TTI2: variants seen among roughly 807,000 people sequenced by gnomAD.
TTI2 encodes TELO2 interacting protein 2.
A neutral mutation model predicts 44.9 loss-of-function variants in TTI2; 26 were observed. The ratio of observed to expected loss-of-function variants is 0.58; its 90% confidence interval spans 0.42 to 0.80. The LOEUF (loss-of-function observed/expected upper bound fraction) is 0.80. Among genes scored for constraint, TTI2 ranks in the 30% least tolerant of loss-of-function variants. The probability of loss-of-function intolerance (pLI) is 0.00; values close to 1 mark genes in which losing one functional copy is unlikely to be tolerated. For synonymous variants in TTI2, 254 were observed against 250.9 expected (o/e 1.01, Z -0.12); for missense variants, 582 against 611.6 (o/e 0.95, Z 0.51).
Position 33,512,136 on chromosome 8 carries a change from C to T in TTI2, c.478G>A (p.Glu160Lys), listed in dbSNP as rs1174165535. 6.2e-7 allele frequency: 1 copy of T among 1,614,154 alleles called. No homozygotes were observed. Among genetic ancestry groups the T allele is most frequent in the East Asian group, 2.2e-5 (1 of 44,870 alleles). The change falls in exon 2 of 8, where the codon GAG (glutamate) becomes AAG (lysine). Residue 160 changes from glutamate to lysine, a missense_variant. Physicochemically the swap from Glu to Lys is moderately conservative, Grantham distance 56. Coordinates refer to ENST00000431156, the MANE Select transcript of TTI2 (RefSeq NM_001102401.4). ...VYIFAITHSL[E>K]QPWTTPRSRE... ...GATCTCGGAGTGGTCCATGGTTGCT[C>T]CAAGCTGTGTGTGATGGCAAAAATA...
rs542413409 is a variant in TTI2 at position 33,512,497 on chromosome 8, G to A, written c.117C>T (p.Arg39=). 21 of 1,614,134 alleles carry A rather than the reference G, an allele frequency of 1.3e-5. No individual in the cohort carries two copies. In the African/African-American group the frequency reaches 1.7e-4, roughly 13 times the overall value. The change falls in exon 2 of 8, where the codon CGC becomes CGT. Residue 39 remains arginine (R), a synonymous_variant. Transcript: ENST00000431156. ...AFSKILHCLA[R]PEARRGNVKD... is the part of the protein sequence containing the mutation. ...TTACATTGCCTCGTCGTGCCTCCGG[G>A]CGGGCAAGACAGTGTAAAATCTTGG...
chr8:33,509,935 A>G lies in TTI2; in HGVS notation c.648-3T>C. The G allele has an allele frequency of 6.3e-7, 1 of 1,590,646 alleles. No homozygotes were observed. Among genetic ancestry groups the G allele is most frequent in the South Asian group, 1.1e-5 (1 of 90,578 alleles). ...CAGGGTTATTCTTCCAGGATTCCCT[A>G]AGTGAATACATAGAATTACATTAAG... On this transcript the variant is annotated splice_polypyrimidine_tract_variant and splice_region_variant and intron_variant, in intron 2 of 7. Transcript: ENST00000431156.
rs556674774 is a variant in TTI2, at chr8:33,507,331, G to A, written c.835-10C>T. ...GCAAATCAGCAGCTGGCTGCAACCA[G>A]ACAAATCGTCAAATTAAAAGAATAG... On this transcript the variant is annotated splice_polypyrimidine_tract_variant and intron_variant, in intron 3 of 7. Transcript: ENST00000431156. 197 of 1,613,022 alleles carry A rather than the reference G, an allele frequency of 1.2e-4. No homozygotes were observed. The South Asian group carries it at 2.0e-3, about 16-fold the overall frequency.
At chr8:33,499,408 A>G in intron 7 of TTI2, 131 bp from the exon 8 acceptor site, 1 of 699,828 alleles carries the variant, frequency 1.4e-6, no homozygotes, top group Non-Finnish European at 2.5e-6. Context: ...ACAGGTCACT[A>G]AGCAGAATAG....
chr8:33,512,385 C>A lies in TTI2; in HGVS notation c.229G>T (p.Gly77Ter). The change falls in exon 2 of 8, where the codon GGA becomes TGA. Residue 77 changes from glycine to a stop codon, truncating the protein, a stop_gained. Coordinates refer to ENST00000431156, the MANE Select transcript of TTI2 (RefSeq NM_001102401.4). LOFTEE classifies it high-confidence loss of function. ...ACCTGCCCCAGTGTCTCCGGCATTC[C>A]GCGGAGCCGTGCACCAGTCCCCTCA... ...LFEGTGARLR[G>*]MPETLGQVAK... 4 of 1,614,202 alleles carry A rather than the reference C, an allele frequency of 2.5e-6. No homozygotes were observed. The highest frequency in any genetic ancestry group is 3.4e-6 in the Non-Finnish European group (4 of 1,180,046).
intron 4 of TTI2, among the ~76,000 whole-genome samples, chr8:33,505,489 T>TC (rs1266190766): frequency 6.6e-6 from 1 of 151,388 alleles, no homozygotes; most frequent in African/African-American, 2.4e-5. Context: ...CTGCACCTTT[T>TC]TTTTTTCTTT....
intron 4 of TTI2, among the ~76,000 whole-genome samples, chr8:33,505,266 G>T (rs981231529): frequency 6.6e-6 from 1 of 152,042 alleles, no homozygotes; most frequent in Admixed American, 6.6e-5. Context: ...AGCAGGGTGG[G>T]GAGGGGGAAA....
intron 6 of TTI2, among the ~76,000 whole-genome samples, chr8:33,502,885 T>G (rs1809143636): frequency 6.6e-6 from 1 of 151,170 alleles, no homozygotes; most frequent in Admixed American, 6.6e-5. Flanking sequence ...ACCCCAGCAC[T>G]TTGGGAGGCC....
intron 6 of TTI2, among the ~76,000 whole-genome samples, chr8:33,503,148 A>C (rs1809161004): frequency 2.1e-5 from 3 of 143,278 alleles, no homozygotes; most frequent in South Asian, 4.4e-4. Context: ...AAAAAAAAAA[A>C]CAAAAAAGAT....
In TTI2 at chr8:33,512,288, G is replaced by A. The variant is rs144105577; in HGVS notation, c.326C>T (p.Ala109Val). Residue 109 changes from alanine to valine, a missense_variant, in exon 2 of 8, where the codon GCG (alanine) becomes GTG (valine). Ala to Val is a moderately conservative substitution (Grantham distance 64). Coordinates refer to ENST00000431156, the MANE Select transcript of TTI2 (RefSeq NM_001102401.4). ...EEGGGDGHSEAAEKAAQVGLL... is the reference protein window; with the variant it reads ...EEGGGDGHSEVAEKAAQVGLL... ...CCCAACTTGGGCTGCTTTCTCGGCCGCTTCGGAGTGCCCATCACCTCCACC... is the reference window on the plus strand; with the variant it reads ...CCCAACTTGGGCTGCTTTCTCGGCCACTTCGGAGTGCCCATCACCTCCACC... 80 of 1,614,046 alleles carry A rather than the reference G, an allele frequency of 5.0e-5. No individual in the cohort carries two copies. In the East Asian group the frequency reaches 1.6e-3, roughly 32 times the overall value.
In TTI2 at chr8:33,513,081, C is replaced by T. The variant is rs77365197; in HGVS notation, c.-100+1G>A. 2,351 of 159,964 alleles carry T rather than the reference C, an allele frequency of 0.015. 70 individuals are homozygous for T. The highest frequency in any genetic ancestry group is 0.053 in the African/African-American group (2,206 of 41,570). The allele number at this position is 159,964 out of a possible 1,614,324, so 9.9% of individuals were successfully genotyped here. A position where few individuals can be genotyped will look rare whatever the true frequency, so the allele number is the denominator to read the frequency against. ...TCACCAACTTAACCACCCCCAGGTA[C>T]CTGCAACGGCTCGCGCCCGCCGGTG... On this transcript the variant is annotated splice_donor_variant, in intron 1 of 7. Coordinates refer to ENST00000431156, the MANE Select transcript of TTI2 (RefSeq NM_001102401.4). LOFTEE classifies it low-confidence loss of function (5UTR_SPLICE).
chr8:33,502,152 C>T (rs1251711974), intron 6 of TTI2, among the ~76,000 whole-genome samples: 1 of 151,990 alleles, frequency 6.6e-6, no homozygotes, highest in Non-Finnish European at 1.5e-5. Context: ...CCATATTGGC[C>T]AGGCTGGTCT....
chr8:33,499,297 A>G lies in TTI2; in HGVS notation c.1423-20T>C. On this transcript the variant is annotated intron_variant, in intron 7 of 7. Transcript: ENST00000431156. The stretch of plus-strand genomic sequence containing the variant: ...GAGACCCTGAAACATGAAACCAAAC[A>G]GGCTTTGATATTTTTTTTTTTTTAA... The G allele has an allele frequency of 1.3e-6, 2 of 1,554,248 alleles. No homozygotes were observed. The highest frequency in any genetic ancestry group is 1.8e-6 in the Non-Finnish European group (2 of 1,129,160).
chr8:33,509,979 C>CAAAAAAAAA, intron 2 of TTI2, 47 bp from the exon 3 acceptor site: 6 of 416,692 alleles, frequency 1.4e-5, no homozygotes, highest in Admixed American at 4.9e-5. Context: ...TGATAAGTAG[C>CAAAAAAAAA]AAAAAAAAAA....
At position 33,510,898 on chromosome 8, in the gene TTI2, G is replaced by A. The variant is rs778562475; in HGVS notation, c.648-966C>T. Among the ~76,000 whole-genome samples the A allele has an allele frequency of 2.0e-5, 3 of 152,094 alleles. No homozygotes were observed. In the South Asian group the frequency reaches 6.2e-4, roughly 32 times the overall value. On this transcript the variant is annotated intron_variant, in intron 2 of 7. Coordinates refer to ENST00000431156, the MANE Select transcript of TTI2 (RefSeq NM_001102401.4). ...GAACTTCAGCTAACAGTAATCTAAA[G>A]GTGCTTTTCACTTTTTATCCTAAAC...
At chr8:33,504,519 C>T (rs1327831814) in intron 4 of TTI2, among the ~76,000 whole-genome samples, 1 of 151,866 alleles carries the variant, frequency 6.6e-6, no homozygotes. Flanking sequence ...AAGTGATCCA[C>T]TCGCCTTGGC....
chr8:33,507,279 A>G lies in TTI2; in HGVS notation c.877T>C (p.Tyr293His). 6.2e-7 allele frequency: 1 copy of G among 1,614,174 alleles called. No individual in the cohort carries two copies. Among genetic ancestry groups the G allele is most frequent in the Non-Finnish European group, 8.5e-7 (1 of 1,180,002 alleles). ...TACAGGTGGTTGGAAATGGCATGGTATAGGACCTGGGCTCTGTTATACTGG... is the reference window on the plus strand; with the variant it reads ...TACAGGTGGTTGGAAATGGCATGGTGTAGGACCTGGGCTCTGTTATACTGG... ...LLQYNRAQVL[Y>H]HAISNHLYTP... The change falls in exon 4 of 8, where the codon TAC becomes CAC. Residue 293 changes from tyrosine (Y) to histidine (H), a missense_variant. Coordinates refer to ENST00000431156, the MANE Select transcript of TTI2 (RefSeq NM_001102401.4).
chr8:33,499,272 G>A lies in TTI2; in HGVS notation c.1428C>T (p.Leu476=). ...DRCSQGRVKG[L]LAKIPQSCED... Reference sequence around the variant, plus strand: ...CACAGCTTTGGGGAATTTTGGCCAGGAGACCCTGAAACATGAAACCAAACA... The same window carrying A: ...CACAGCTTTGGGGAATTTTGGCCAGAAGACCCTGAAACATGAAACCAAACA... The change falls in exon 8 of 8, where the codon CTC becomes CTT. Residue 476 remains leucine (L), a synonymous_variant. Coordinates refer to ENST00000431156, the MANE Select transcript of TTI2 (RefSeq NM_001102401.4). 1 of 1,613,086 alleles carries A rather than the reference G, an allele frequency of 6.2e-7. No homozygotes were observed. The highest frequency in any genetic ancestry group is 8.5e-7 in the Non-Finnish European group (1 of 1,179,350).
chr8:33,506,321 G>T (rs1809291510), intron 4 of TTI2, among the ~76,000 whole-genome samples: 2 of 151,726 alleles, frequency 1.3e-5, no homozygotes, highest in Admixed American at 1.3e-4. Context: ...CTGATAAAAG[G>T]CAAAACAGAA....
Sources: gnomAD v4.1 joint callset for allele counts (sites outside exome capture counted in the v4.1 genomes callset) on GRCh38, gnomAD v4.1.1 for gene constraint, MANE v1.5 for transcripts, NCBI Gene and HGNC (gene_info 2026-07-23, HGNC 2026-07-21) for gene names.